Variants in ANKRD13D observed in about 807,000 individuals in gnomAD.
ANKRD13D encodes the protein ankyrin repeat domain 13D, also known as ankyrin repeat domain-containing protein 13D.
ANKRD13D carries 24 observed loss-of-function variants against 68.8 expected under a neutral mutation model. That is an observed-to-expected ratio of 0.35 (90% confidence interval 0.25 to 0.49). The LOEUF is 0.49. Among genes scored for constraint, ANKRD13D ranks in the 20% least tolerant of loss-of-function variants. The probability of loss-of-function intolerance (pLI) is 0.99; values close to 1 mark genes in which losing one functional copy is unlikely to be tolerated. For missense variants in ANKRD13D, 735 were observed against 832.1 expected (o/e 0.88, Z 1.44); for synonymous variants, 331 against 336.1 (o/e 0.98, Z 0.16).
intron 3 of ANKRD13D, chr11:67,291,104 T>C (rs1006442392): frequency 3.2e-4 from 86 of 272,108 alleles, no homozygotes; most frequent in African/African-American, 1.9e-3. Flanking sequence ...ACTCCTGTAA[T>C]CCCAGCGCTT....
chr11:67,302,106 C>T lies in ANKRD13D; in HGVS notation c.1605-13C>T. The T allele has an allele frequency of 1.3e-6, 2 of 1,545,958 alleles. No individual in the cohort carries two copies. The highest frequency in any genetic ancestry group is 1.7e-6 in the Non-Finnish European group (2 of 1,143,754). On this transcript the variant is annotated splice_polypyrimidine_tract_variant and intron_variant, in intron 14 of 14. Transcript: ENST00000511455. ...CACTGGCCTGTTCTTCCCTCCCCTG[C>T]CCTGCCTGGAAGGGCCCTCCAGGAA... is the stretch of plus-strand genomic sequence containing the variant.
At position 67,300,548 on chromosome 11, in the gene ANKRD13D, C is replaced by G. The variant is rs183831436; in HGVS notation, c.1073+425C>G. ...AGTGCCTGCACAAGCCTAGCGCTCT[C>G]CCCACCATCTCAGGAGGATTCTCTT... On this transcript the variant is annotated intron_variant, in intron 10 of 14. Coordinates refer to ENST00000511455, the MANE Select transcript of ANKRD13D (RefSeq NM_207354.3). The surrounding 1 kb of genome is among the most constrained non-coding windows in gnomAD (Gnocchi z 4.3). The G allele has an allele frequency of 4.4e-5, 15 of 342,382 alleles. No homozygotes were observed. Among genetic ancestry groups the G allele is most frequent in the African/African-American group, 3.1e-4 (15 of 47,760 alleles). The allele number at this position is 342,382 out of a possible 1,614,324, so 21.2% of individuals were successfully genotyped here. A position where few individuals can be genotyped will look rare whatever the true frequency, so the allele number is the denominator to read the frequency against.
At chr11:67,292,714 A>G (rs969321450) in intron 6 of ANKRD13D, among the ~76,000 whole-genome samples, 1 of 152,188 alleles carries the variant, frequency 6.6e-6, no homozygotes, top group Non-Finnish European at 1.5e-5. Context: ...GACTTTTAGT[A>G]TATTTATTCA....
rs374201117 is a variant in ANKRD13D, at chr11:67,292,144, C to G, written c.695C>G (p.Ser232Cys). 4 of 1,608,226 alleles carry G rather than the reference C, an allele frequency of 2.5e-6. No homozygotes were observed. Among genetic ancestry groups the G allele is most frequent in the Non-Finnish European group, 3.4e-6 (4 of 1,175,494 alleles). The change falls in exon 6 of 15, where the codon TCC becomes TGC. Residue 232 changes from serine (S) to cysteine (C), a missense_variant. By Grantham distance (112) the Ser-to-Cys change is moderately radical. Coordinates refer to ENST00000511455, the MANE Select transcript of ANKRD13D (RefSeq NM_207354.3). ...VASRLTSPIV[S>C]THLDTRNVAF... ...AGTCGCCTCACCTCTCCTATCGTCT[C>G]CACCCACCTGGACACTCGTAATGTG...
At chr11:67,293,938 G>A (rs371618840) in intron 6 of ANKRD13D, among the ~76,000 whole-genome samples, 1 of 152,210 alleles carries the variant, frequency 6.6e-6, no homozygotes, top group Non-Finnish European at 1.5e-5. Context: ...ATAGTGGAAG[G>A]TTCTTTTGCA....
chr11:67,298,977 C>A, intron 6 of ANKRD13D, 81 bp from the exon 7 acceptor site: 1 of 1,500,854 alleles, frequency 6.7e-7, no homozygotes, highest in Non-Finnish European at 9.3e-7. Context: ...GGCAGGCTGG[C>A]TGGAGGGGGC....
rs776371000 is a variant in ANKRD13D, at chr11:67,291,980, C to A, written c.542-11C>A. 8 of 1,568,642 alleles carry A rather than the reference C, an allele frequency of 5.1e-6. No homozygotes were observed. Among genetic ancestry groups the A allele is most frequent in the Admixed American group, 1.8e-5 (1 of 56,788 alleles). On this transcript the variant is annotated splice_polypyrimidine_tract_variant and intron_variant, in intron 5 of 14. Transcript: ENST00000511455. Reference sequence around the variant, plus strand: ...TTTGCGCCCCCTCTGTCCACCCCTACCGGCCGGCAGAGGCAGGAGCCCTGG... The same window carrying A: ...TTTGCGCCCCCTCTGTCCACCCCTAACGGCCGGCAGAGGCAGGAGCCCTGG...
intron 6 of ANKRD13D, among the ~76,000 whole-genome samples, chr11:67,293,369 C>T (rs1860652905): frequency 6.6e-6 from 1 of 152,218 alleles, no homozygotes; most frequent in Non-Finnish European, 1.5e-5. Context: ...GAAGTGATAG[C>T]TCACTGTGAT....
rs774706643 is a variant in ANKRD13D, at chr11:67,290,630, G to T, written c.351+184G>T. On this transcript the variant is annotated intron_variant, in intron 3 of 14. Transcript: ENST00000511455. Reference sequence around the variant, plus strand: ...AGGAAAGAGAGACGGCCAGGCTCACGTGGGAGAGACTGGACCCTTTGGAAG... The same window carrying T: ...AGGAAAGAGAGACGGCCAGGCTCACTTGGGAGAGACTGGACCCTTTGGAAG... 4.3e-5 allele frequency: 41 copies of T among 957,962 alleles called. No individual in the cohort carries two copies. In the East Asian group the frequency reaches 8.4e-4, roughly 20 times the overall value. 59.3% of individuals were successfully genotyped at this position (957,962 alleles called of 1,614,324 possible).
Position 67,300,046 on chromosome 11 carries a change from GGAGTACTTCGAC to G in ANKRD13D, c.997_1008del (p.Glu333_Asp336del). 6.2e-7 allele frequency: 1 copy of G among 1,614,062 alleles called. No homozygotes were observed. Among genetic ancestry groups the G allele is most frequent in the Non-Finnish European group, 8.5e-7 (1 of 1,179,980 alleles). On this transcript the variant is annotated inframe_deletion, in exon 10 of 15. Coordinates refer to ENST00000511455, the MANE Select transcript of ANKRD13D (RefSeq NM_207354.3). This position sits in a 1 kb window ranked among gnomAD's most constrained non-coding sequence, Gnocchi z 4.3. ...CCAACCCCACAGCCATCTCCCCTGA[GGAGTACTTCGAC>G]CCCAACTTCAGCCTGGAGTCACGGA...
chr11:67,301,290 C>A lies in ANKRD13D; in HGVS notation c.1240C>A (p.Leu414Ile). 6.2e-7 allele frequency: 1 copy of A among 1,611,808 alleles called. No homozygotes were observed. The highest frequency in any genetic ancestry group is 1.1e-5 in the South Asian group (1 of 90,682). Residue 414 changes from leucine to isoleucine, a missense_variant, in exon 12 of 15, where the codon CTT (leucine) becomes ATT (isoleucine). Transcript: ENST00000511455. The surrounding 1 kb of genome is among the most constrained non-coding windows in gnomAD (Gnocchi z 4.5). ...PGFPVKIEIP[L>I]FHVLNARITF... is the part of the protein sequence containing the mutation. ...TGGCTGTCTTCTCACAGAGATTCCC[C>A]TTTTCCACGTGCTCAATGCCCGCAT...
intron 6 of ANKRD13D, among the ~76,000 whole-genome samples, chr11:67,292,660 T>A (rs1230065073): frequency 1.3e-5 from 2 of 152,080 alleles, no homozygotes; most frequent in Non-Finnish European, 2.9e-5. Flanking sequence ...AGATATAATC[T>A]CATATACCAT....
Position 67,301,239 on chromosome 11 carries a change from G to T in ANKRD13D, c.1232-43G>T, listed in dbSNP as rs1196853507. 1 of 1,597,136 alleles carries T rather than the reference G, an allele frequency of 6.3e-7. No homozygotes were observed. On this transcript the variant is annotated intron_variant, in intron 11 of 14. Coordinates refer to ENST00000511455, the MANE Select transcript of ANKRD13D (RefSeq NM_207354.3). This position sits in a 1 kb window ranked among gnomAD's most constrained non-coding sequence, Gnocchi z 4.5. ...GAGAGCTGCAGGGGCCGGAGGCACA[G>T]GTGGCTCTCCGCCAGGGCTCAGGCG... is the stretch of plus-strand genomic sequence containing the variant.
chr11:67,301,249 C>T lies in ANKRD13D; in HGVS notation c.1232-33C>T, dbSNP rs370346229. 1.3e-3 allele frequency: 2,059 copies of T among 1,598,702 alleles called. 18 individuals are homozygous for T. The African/African-American group carries it at 0.018, about 14-fold the overall frequency. Reference sequence around the variant, plus strand: ...GGGGCCGGAGGCACAGGTGGCTCTCCGCCAGGGCTCAGGCGTGGCTGTCTT... The same window carrying T: ...GGGGCCGGAGGCACAGGTGGCTCTCTGCCAGGGCTCAGGCGTGGCTGTCTT... On this transcript the variant is annotated intron_variant, in intron 11 of 14. Coordinates refer to ENST00000511455, the MANE Select transcript of ANKRD13D (RefSeq NM_207354.3). This position sits in a 1 kb window ranked among gnomAD's most constrained non-coding sequence, Gnocchi z 4.5.
chr11:67,293,761 G>A (rs1243540553), intron 6 of ANKRD13D, among the ~76,000 whole-genome samples: 1 of 152,168 alleles, frequency 6.6e-6, no homozygotes, highest in East Asian at 1.9e-4. Flanking sequence ...GAAGCGACCT[G>A]CCTACCTGGG....
chr11:67,296,721 C>G (rs1488806770), intron 6 of ANKRD13D, among the ~76,000 whole-genome samples: 1 of 152,084 alleles, frequency 6.6e-6, no homozygotes, highest in Non-Finnish European at 1.5e-5. Flanking sequence ...CCTTGAACTC[C>G]TGGGCTTAGG....
chr11:67,293,420 C>T (rs1860654351), intron 6 of ANKRD13D, among the ~76,000 whole-genome samples: 1 of 152,190 alleles, frequency 6.6e-6, no homozygotes, highest in Non-Finnish European at 1.5e-5. Context: ...TGTTGAGCAT[C>T]TTTTCATGTG....
chr11:67,292,152 C>A lies in ANKRD13D; in HGVS notation c.703C>A (p.Leu235Met), dbSNP rs963472323. ...CACCTCTCCTATCGTCTCCACCCAC[C>A]TGGACACTCGTAATGTGGCCTTTGA... ...RLTSPIVSTH[L>M]DTRNVAFERN... Residue 235 changes from leucine (L) to methionine (M), a missense_variant, in exon 6 of 15, where the codon CTG becomes ATG. By Grantham distance (15) the Leu-to-Met change is conservative (BLOSUM62 2). Coordinates refer to ENST00000511455, the MANE Select transcript of ANKRD13D (RefSeq NM_207354.3). 6.2e-7 allele frequency: 1 copy of A among 1,604,208 alleles called. No homozygotes were observed. Among genetic ancestry groups the A allele is most frequent in the Non-Finnish European group, 8.5e-7 (1 of 1,172,154 alleles).
chr11:67,295,643 C>T (rs998142141), intron 6 of ANKRD13D, among the ~76,000 whole-genome samples: 2 of 151,538 alleles, frequency 1.3e-5, no homozygotes, highest in Admixed American at 6.6e-5. Context: ...GACTGAGGCA[C>T]AAGAATTGCT....
Sources: gnomAD v4.1 joint callset for allele counts (sites outside exome capture counted in the v4.1 genomes callset) on GRCh38, gnomAD v4.1.1 for gene constraint, Gnocchi (gnomAD v3.1) non-coding constraint, MANE v1.5 for transcripts, NCBI Gene and HGNC (gene_info 2026-07-23, HGNC 2026-07-21) for gene names.